The following UBR4 variants were observed in gnomAD, a reference collection of about 807,000 sequenced individuals.
The protein encoded by UBR4 is ubiquitin protein ligase E3 component n-recognin 4, also known as E3 ubiquitin-protein ligase UBR4.
A neutral mutation model predicts 575.6 loss-of-function variants in UBR4; 124 were observed. The observed-to-expected ratio is 0.22, with a 90% CI of 0.19 to 0.25. UBR4 has a LOEUF of 0.25. UBR4 is among the 10% of genes least tolerant of loss of function. The pLI is 1.00. For synonymous variants in UBR4, 2,455 were observed against 2,473.7 expected (o/e 0.99, Z 0.22); for missense variants, 4,818 against 6,478.8 (o/e 0.74, Z 8.80).
chr1:19,163,665 A>G lies in UBR4; in HGVS notation c.4764+99T>C, dbSNP rs972282881. On this transcript the variant is annotated intron_variant, in intron 34 of 105. Transcript: ENST00000375254. ...CAGCCTTATCCTTGGTAGGCTAGCC[A>G]GGCACAGAACTCAATAGGAACGAGA... 1.7e-5 allele frequency: 22 copies of G among 1,277,966 alleles called. No homozygotes were observed. In the East Asian group the frequency reaches 3.5e-4, roughly 20 times the overall value. The allele number at this position is 1,277,966 out of a possible 1,614,324, so 79.2% of individuals were successfully genotyped here.
At position 19,169,522 on chromosome 1, in the gene UBR4, C is replaced by G; in HGVS notation, c.3654G>C (p.Leu1218=). 6.2e-7 allele frequency: 1 copy of G among 1,613,488 alleles called. No homozygotes were observed. The highest frequency in any genetic ancestry group is 1.3e-5 in the African/African-American group (1 of 75,016). Reference sequence around the variant, plus strand: ...GCACTGACGATGGCAAATTCTGAACCAGTGTCGGACCTGGAGGCGACAGAA... The same window carrying G: ...GCACTGACGATGGCAAATTCTGAACGAGTGTCGGACCTGGAGGCGACAGAA... The part of the protein sequence containing the change: ...RCKANTLGPT[L]VQNLPSSVQT... The change falls in exon 27 of 106, where the codon CTG becomes CTC. Residue 1218 remains leucine, a synonymous_variant. Transcript: ENST00000375254.
chr1:19,141,277 C>T, intron 57 of UBR4, 70 bp downstream of exon 57: 1 of 1,605,354 alleles, frequency 6.2e-7, no homozygotes. Flanking sequence ...AGCTGGATAT[C>T]AGTAACTGCC....
intron 27 of UBR4, among the ~76,000 whole-genome samples, 156 bp downstream of exon 27, chr1:19,169,279 T>C (rs1247962129): frequency 6.6e-6 from 1 of 152,174 alleles, no homozygotes; most frequent in Non-Finnish European, 1.5e-5. Context: ...ACTAGGTGAT[T>C]AAATGCATTG....
chr1:19,124,789 G>A (rs1223849093), intron 64 of UBR4, 99 bp from the exon 65 acceptor site: 1 of 1,453,632 alleles, frequency 6.9e-7, no homozygotes, highest in African/African-American at 1.4e-5. Context: ...CATGTTGGAG[G>A]TGGTAAAGGG....
At chr1:19,104,710 G>C (rs753982770) in intron 85 of UBR4, 44 bp from the exon 86 acceptor site, 12 of 1,583,794 alleles carry the variant, frequency 7.6e-6, no homozygotes, top group Non-Finnish European at 5.2e-6. Context: ...TCACTGCCAA[G>C]GATACCAGTT....
Position 19,096,577 on chromosome 1 carries a change from C to T in UBR4, c.13464G>A (p.Met4488Ile). Residue 4488 changes from methionine to isoleucine, a missense_variant, in exon 92 of 106, where the codon ATG becomes ATA. Met to Ile is a conservative substitution (Grantham distance 10). This residue lies in a region of UBR4 where 165 missense variants were observed against 282.3 expected (regional missense o/e 0.58). Coordinates refer to ENST00000375254, the MANE Select transcript of UBR4 (RefSeq NM_020765.3). The part of the protein sequence containing the change: ...VMAQCGGLEC[M>I]LNRLAGIRDF... ...CTCTGATCCCTGCGAGTCTGTTAAG[C>T]ATGCATTCCAGGCCCCCACACTGGG... The T allele has an allele frequency of 6.2e-7, 1 of 1,613,736 alleles. No individual in the cohort carries two copies. The highest frequency in any genetic ancestry group is 8.5e-7 in the Non-Finnish European group (1 of 1,179,878).
At position 19,119,662 on chromosome 1, in the gene UBR4, C is replaced by A. The variant is rs2080961115; in HGVS notation, c.10350G>T (p.Leu3450=). 6.2e-7 allele frequency: 1 copy of A among 1,613,512 alleles called. No homozygotes were observed. Among genetic ancestry groups the A allele is most frequent in the Non-Finnish European group, 8.5e-7 (1 of 1,179,458 alleles). Residue 3450 remains leucine, a synonymous_variant, in exon 70 of 106, where the codon CTG becomes CTT. Transcript: ENST00000375254. The part of the protein sequence containing the change: ...SKSQQELLLD[L]MWSIWPELPA... ...GGAGTTCTGGCCAGATGGACCACAT[C>A]AGATCTAGCAGGAGCTCCTGTTGAG...
intron 83 of UBR4, 103 bp from the exon 84 acceptor site, chr1:19,105,945 T>C: frequency 5.6e-6 from 4 of 717,290 alleles, no homozygotes; most frequent in Non-Finnish European, 8.7e-6. Context: ...AGAGGTCTTC[T>C]GGGCACCTCT....
rs114502798 is a variant in UBR4, at chr1:19,191,196, G to A, written c.1394+992C>T. ...CTAAAATAATAGCCCTGGGCTGGGC[G>A]CAGTGGCTCACACCTGTAATCCCAG... On this transcript the variant is annotated intron_variant, in intron 11 of 105. Coordinates refer to ENST00000375254, the MANE Select transcript of UBR4 (RefSeq NM_020765.3). Among the ~76,000 whole-genome samples the A allele has an allele frequency of 3.5e-3, 529 of 152,262 alleles. 1 individual carries two copies. The highest frequency in any genetic ancestry group is 0.011 in the African/African-American group (443 of 41,558).
Position 19,081,552 on chromosome 1 carries a change from T to C in UBR4, c.15030A>G (p.Glu5010=). The change falls in exon 103 of 106, where the codon GAA becomes GAG. Residue 5010 remains glutamate (E), a synonymous_variant. Coordinates refer to ENST00000375254, the MANE Select transcript of UBR4 (RefSeq NM_020765.3). The part of the protein sequence containing the change: ...VLNTTRATSR[E]EKNLQGFLEQ... ...CCAGAAAGCCTTGGAGGTTCTTCTC[T>C]TCTCGGGAAGTTGCTCGGGTTCTAG... 1 of 1,614,024 alleles carries C rather than the reference T, an allele frequency of 6.2e-7. No individual in the cohort carries two copies. Among genetic ancestry groups the C allele is most frequent in the Admixed American group, 1.7e-5 (1 of 60,010 alleles).
chr1:19,103,562 T>C (rs2078878088), intron 87 of UBR4, among the ~76,000 whole-genome samples: 1 of 152,016 alleles, frequency 6.6e-6, no homozygotes, highest in African/African-American at 2.4e-5. Flanking sequence ...TGAAACTTGG[T>C]CTCAAAAAAT....
chr1:19,183,978 GA>G lies in UBR4; in HGVS notation c.2098+37del, dbSNP rs757041965. On this transcript the variant is annotated intron_variant, in intron 16 of 105. Transcript: ENST00000375254. ...CCCTGCCAACAGCCAAACTCCATGAGAAAAAAAATCCATCAGGCACATATCT... is the reference window on the plus strand; with the variant it reads ...CCCTGCCAACAGCCAAACTCCATGAGAAAAAAATCCATCAGGCACATATCT... The G allele has an allele frequency of 2.5e-6, 4 of 1,612,744 alleles. 1 individual carries two copies. The highest frequency in any genetic ancestry group is 2.5e-6 in the Non-Finnish European group (3 of 1,179,528).
chr1:19,131,748 C>A (rs897683391), intron 60 of UBR4, among the ~76,000 whole-genome samples: 19 of 152,198 alleles, frequency 1.2e-4, no homozygotes, highest in African/African-American at 4.6e-4. Flanking sequence ...TCACGCATGC[C>A]TGTAATCCTA....
At position 19,145,897 on chromosome 1, in the gene UBR4, A is replaced by G. The variant is rs376861941; in HGVS notation, c.7841T>C (p.Leu2614Ser). 11 of 1,614,092 alleles carry G rather than the reference A, an allele frequency of 6.8e-6. No homozygotes were observed. The highest frequency in any genetic ancestry group is 8.5e-6 in the Non-Finnish European group (10 of 1,180,028). The change falls in exon 53 of 106, where the codon TTG (leucine) becomes TCG (serine). Residue 2614 changes from leucine (L) to serine (S), a missense_variant. Leu to Ser is a moderately radical substitution (Grantham distance 145). Coordinates refer to ENST00000375254, the MANE Select transcript of UBR4 (RefSeq NM_020765.3). ...MDEGKEPQKQLEGDCCSFITQ... is the reference protein window; with the variant it reads ...MDEGKEPQKQSEGDCCSFITQ... Reference sequence around the variant, plus strand: ...GATGAAACTACAGCAATCTCCTTCCAACTGCTTCTGCGGTTCCTTCCCTTC... The same window carrying G: ...GATGAAACTACAGCAATCTCCTTCCGACTGCTTCTGCGGTTCCTTCCCTTC...
At chr1:19,137,930 G>A in intron 60 of UBR4, 77 bp downstream of exon 60, 1 of 1,323,626 alleles carries the variant, frequency 7.6e-7, no homozygotes, top group Non-Finnish European at 9.9e-7. Context: ...TCTACCTCCT[G>A]CAATTGATCA....
chr1:19,195,104 C>CAA, intron 8 of UBR4, among the ~76,000 whole-genome samples: 1 of 142,244 alleles, frequency 7.0e-6, no homozygotes, highest in East Asian at 2.0e-4. Context: ...ACTAAAAATA[C>CAA]AAAAAAAAAA....
At position 19,105,072 on chromosome 1, in the gene UBR4, G is replaced by A. The variant is rs763970294; in HGVS notation, c.12621C>T (p.Pro4207=). 3 of 1,614,018 alleles carry A rather than the reference G, an allele frequency of 1.9e-6. No homozygotes were observed. Among genetic ancestry groups the A allele is most frequent in the Non-Finnish European group, 2.5e-6 (3 of 1,179,948 alleles). Reference sequence around the variant, plus strand: ...CCTTGGTGATGAGGTTGCCCACATAGGGTAGGACTCCCCGAGCTGCCAAGT... The same window carrying A: ...CCTTGGTGATGAGGTTGCCCACATAAGGTAGGACTCCCCGAGCTGCCAAGT... ...KVYLAARGVL[P]YVGNLITKEI... is the part of the protein sequence containing the mutation. Residue 4207 remains proline (P), a synonymous_variant, in exon 85 of 106, where the codon CCC becomes CCT. Transcript: ENST00000375254.
At chr1:19,143,819 A>C (rs1188143751) in intron 55 of UBR4, among the ~76,000 whole-genome samples, 161 bp downstream of exon 55, 1 of 152,084 alleles carries the variant, frequency 6.6e-6, no homozygotes, top group Non-Finnish European at 1.5e-5. Flanking sequence ...TTGATGTGCC[A>C]CCTAAATTCT....
At chr1:19,167,492 G>T (rs1048463139) in intron 28 of UBR4, among the ~76,000 whole-genome samples, 1 of 152,032 alleles carries the variant, frequency 6.6e-6, no homozygotes, top group South Asian at 2.1e-4. Context: ...TCAAATTAAT[G>T]AGCTGCATTT....
Sources: allele counts gnomAD v4.1 joint callset (sites outside exome capture counted in the v4.1 genomes callset), GRCh38; gene constraint gnomAD v4.1.1; regional missense constraint gnomAD v4.1.1; transcripts MANE v1.5; gene names NCBI Gene and HGNC (gene_info 2026-07-23, HGNC 2026-07-21).